Variants in MINDY4B observed in about 807,000 individuals in gnomAD.
MINDY4B encodes the protein inactive ubiquitin carboxyl-terminal hydrolase MINDY-4B.
MINDY4B carries 25 observed loss-of-function variants against 16.7 expected under a neutral mutation model. The ratio of observed to expected loss-of-function variants is 1.49; its 90% CI spans 1.09 to 2.09. The LOEUF (loss-of-function observed/expected upper bound fraction) is 2.09. Ranked by LOEUF, MINDY4B falls within the 30% of genes most tolerant of loss-of-function variation. The probability of loss-of-function intolerance (pLI) is 0.00; values close to 1 mark genes in which losing one functional copy is unlikely to be tolerated. For synonymous variants in MINDY4B, 132 were observed against 61.9 expected, an observed-to-expected ratio of 2.13 and a Z score of -5.32; for missense variants, 327 against 168.4, an observed-to-expected ratio of 1.94 and a Z score of -5.21.
At chr3:150,874,368 A>C (rs1717042693) in intron 10 of MINDY4B, among the ~76,000 whole-genome samples, 1 of 152,182 alleles carries the variant, frequency 6.6e-6, no homozygotes, top group Non-Finnish European at 1.5e-5. Flanking sequence ...AAGAGCAGGG[A>C]AGGGGATGTA....
intron 7 of MINDY4B, among the ~76,000 whole-genome samples, chr3:150,886,971 G>A (rs1711637561): frequency 6.6e-6 from 1 of 152,166 alleles, no homozygotes; most frequent in South Asian, 2.1e-4. Context: ...ACTACAGATA[G>A]TACCAAATCC....
Position 150,873,315 on chromosome 3 carries a change from T to C in MINDY4B, c.1112A>G (p.Asn371Ser), listed in dbSNP as rs1717012793. Residue 371 changes from asparagine to serine, a missense_variant, in exon 11 of 12, where the codon AAT (asparagine) becomes AGT (serine). Transcript: ENST00000465419. ...PKLPIWLCNINGNYSILFCTN... is the reference protein window; with the variant it reads ...PKLPIWLCNISGNYSILFCTN... ...GCAAAAAAGGATGCTGTAATTTCCA[T>C]TGATGTTGCACAGCCAAATAGGTAA... is the stretch of plus-strand genomic sequence containing the variant. The C allele has an allele frequency of 1.4e-6, 1 of 702,730 alleles. No individual in the cohort carries two copies. The highest frequency in any genetic ancestry group is 1.5e-5 in the South Asian group (1 of 67,604). The allele number at this position is 702,730 out of a possible 1,614,324, so 43.5% of individuals were successfully genotyped here.
intron 4 of MINDY4B, 31 bp downstream of exon 4, chr3:150,894,155 G>A (rs1251833960): frequency 3.0e-6 from 2 of 669,590 alleles, no homozygotes; most frequent in South Asian, 1.6e-5. Context: ...ATGGGAATAA[G>A]GTTTTTTAAA....
chr3:150,887,904 C>T (rs192080332), intron 7 of MINDY4B, among the ~76,000 whole-genome samples: 2,098 of 152,066 alleles, frequency 0.014, 22 homozygotes, highest in Middle Eastern at 0.034. Context: ...GTCAGGAGAT[C>T]GAGACCATCC....
intron 10 of MINDY4B, among the ~76,000 whole-genome samples, chr3:150,880,607 A>C (rs1711514478): frequency 6.6e-6 from 1 of 152,224 alleles, no homozygotes; most frequent in Admixed American, 6.5e-5. Flanking sequence ...AGACATGAAA[A>C]AGCTTCTGAA....
intron 2 of MINDY4B, among the ~76,000 whole-genome samples, chr3:150,904,423 C>T (rs759472498): frequency 6.6e-6 from 1 of 152,096 alleles, no homozygotes; most frequent in South Asian, 2.1e-4. Flanking sequence ...GAAGCTTTAG[C>T]ATTATAGTTA....
rs1035547638 is a variant in MINDY4B at position 150,891,052 on chromosome 3, A to T, written c.573T>A (p.Leu191=). ...CTCCTGCAGCCCACAGGATGCCAGC[A>T]AGCGCCGCGGCCAAGGCTTGCTCCT... The part of the protein sequence containing the change: ...KEQEQALAAA[L]AGILWAAGAA... Residue 191 remains leucine (L), a synonymous_variant, in exon 6 of 12, where the codon CTT becomes CTA. Transcript: ENST00000465419. The T allele has an allele frequency of 2.8e-6, 2 of 702,848 alleles. No homozygotes were observed. The highest frequency in any genetic ancestry group is 1.5e-5 in the South Asian group (1 of 67,592). The allele number at this position is 702,848 out of a possible 1,614,324, so 43.5% of individuals were successfully genotyped here. A position where few individuals can be genotyped will look rare whatever the true frequency, so the allele number is the denominator to read the frequency against.
intron 10 of MINDY4B, among the ~76,000 whole-genome samples, chr3:150,881,530 T>G (rs1711521204): frequency 6.8e-6 from 1 of 146,746 alleles, no homozygotes; most frequent in South Asian, 2.2e-4. Flanking sequence ...ATCCCACCAC[T>G]TTGGGAGGCT....
chr3:150,890,505 A>G (rs980659805), intron 6 of MINDY4B, 120 bp from the exon 7 acceptor site: 5 of 488,516 alleles, frequency 1.0e-5, no homozygotes, highest in Non-Finnish European at 1.8e-5. Context: ...TCACATTACT[A>G]AAAACTGACA....
intron 10 of MINDY4B, among the ~76,000 whole-genome samples, chr3:150,878,064 C>A (rs1711499410): frequency 6.6e-6 from 1 of 151,916 alleles, no homozygotes; most frequent in Non-Finnish European, 1.5e-5. Context: ...AAATGAATGA[C>A]CAAGCAATAG....
chr3:150,903,907 T>C (rs1368510155), intron 2 of MINDY4B, among the ~76,000 whole-genome samples: 1 of 152,202 alleles, frequency 6.6e-6, no homozygotes, highest in African/African-American at 2.4e-5. Context: ...AAATCCACCG[T>C]CTACCTTTAA....
chr3:150,899,269 T>C (rs1406356594), intron 3 of MINDY4B, among the ~76,000 whole-genome samples: 1 of 152,174 alleles, frequency 6.6e-6, no homozygotes, highest in Admixed American at 6.5e-5. Flanking sequence ...AGGACCCAAA[T>C]GCAAGCCTTT....
chr3:150,874,252 G>C (rs548791444), intron 10 of MINDY4B, among the ~76,000 whole-genome samples: 10 of 152,092 alleles, frequency 6.6e-5, no homozygotes, highest in Non-Finnish European at 1.2e-4. Flanking sequence ...CTGAACACAA[G>C]CAATCTACCT....
chr3:150,900,213 G>A (rs1388007726), intron 3 of MINDY4B, among the ~76,000 whole-genome samples: 1 of 152,212 alleles, frequency 6.6e-6, no homozygotes, highest in East Asian at 1.9e-4. Flanking sequence ...GAAAGCTGTA[G>A]TATTGGAAAG....
chr3:150,884,488 C>T (rs76102588), intron 8 of MINDY4B, among the ~76,000 whole-genome samples: 4,389 of 152,246 alleles, frequency 0.029, 231 homozygotes, highest in African/African-American at 0.099. Context: ...TAGACTTGAA[C>T]ATTTTAGAAT....
At chr3:150,892,534 A>C (rs954321270) in intron 5 of MINDY4B, among the ~76,000 whole-genome samples, 1 of 152,244 alleles carries the variant, frequency 6.6e-6, no homozygotes, top group African/African-American at 2.4e-5. Context: ...TATTTAGCAC[A>C]GGGCTTTGCA....
intron 7 of MINDY4B, among the ~76,000 whole-genome samples, chr3:150,887,556 C>T (rs1711659302): frequency 6.6e-6 from 1 of 152,052 alleles, no homozygotes; most frequent in Non-Finnish European, 1.5e-5. Context: ...GAATATAGGC[C>T]CTGTGTAGCC....
At chr3:150,885,165 A>G (rs939456442) in intron 8 of MINDY4B, among the ~76,000 whole-genome samples, 3 of 152,252 alleles carry the variant, frequency 2.0e-5, no homozygotes, top group African/African-American at 7.2e-5. Flanking sequence ...GTAAGAACAG[A>G]TTCAAACTTG....
intron 10 of MINDY4B, among the ~76,000 whole-genome samples, chr3:150,880,305 CTGTGTGTGTGTGTGTG>C (rs60659488): frequency 1.3e-5 from 2 of 149,778 alleles, no homozygotes; most frequent in Non-Finnish European, 3.0e-5. Context: ...AGGTTCCCAT[CTGTGTGTGTGTGTGTG>C]TGTGTGTGTG....
Sources: allele counts gnomAD v4.1 joint callset (sites outside exome capture counted in the v4.1 genomes callset), GRCh38; gene constraint gnomAD v4.1.1; transcripts MANE v1.5; gene names NCBI Gene and HGNC (gene_info 2026-07-23, HGNC 2026-07-21).